The following PACRG variants were observed in gnomAD, a reference collection of about 807,000 sequenced individuals.
PACRG encodes the protein parkin coregulated, also known as parkin coregulated gene protein.
Under a neutral mutation model 29.7 loss-of-function variants are expected in PACRG, and 29 were observed. That is an observed-to-expected ratio of 0.98 (90% CI 0.73 to 1.33). PACRG has a LOEUF of 1.33. Among genes scored for constraint, PACRG ranks in the 40% most tolerant of loss-of-function variants. The pLI is 0.00. For missense variants in PACRG, 279 were observed against 316.2 expected (o/e 0.88, Z 0.89); for synonymous variants, 116 against 118.7 (o/e 0.98, Z 0.15).
chr6:162,889,088 G>C (rs35105243), intron 2 of PACRG, among the ~76,000 whole-genome samples: 14,091 of 152,222 alleles, frequency 0.093, 845 homozygotes, highest in African/African-American at 0.16. Flanking sequence ...CACTATGAGA[G>C]GGAGAAAACT....
At chr6:163,118,833 A>G (rs1816134747) in intron 4 of PACRG, among the ~76,000 whole-genome samples, 1 of 152,146 alleles carries the variant, frequency 6.6e-6, no homozygotes, top group Non-Finnish European at 1.5e-5. Context: ...CTGATTCTCT[A>G]TTTCTCTCCT....
chr6:162,998,759 T>C lies in PACRG; in HGVS notation c.292-63391T>C, dbSNP rs1217326721. On this transcript the variant is annotated intron_variant, in intron 2 of 4. Coordinates refer to ENST00000366888, the MANE Select transcript of PACRG (RefSeq NM_001080379.2). The stretch of plus-strand genomic sequence containing the variant: ...TTACCCCAAGATTACATTAAAAATG[T>C]TTTTATTATTTGTATTTCCATCCTA... Among the ~76,000 whole-genome samples the C allele has an allele frequency of 2.6e-5, 4 of 152,164 alleles. No homozygotes were observed. The East Asian group carries it at 7.7e-4, about 29-fold the overall frequency.
chr6:163,044,178 T>TTC (rs1809064548), intron 2 of PACRG, among the ~76,000 whole-genome samples: 1 of 151,430 alleles, frequency 6.6e-6, no homozygotes, highest in African/African-American at 2.4e-5. Flanking sequence ...GACTTTTTTT[T>TTC]TTTTTTTTGA....
intron 1 of PACRG, among the ~76,000 whole-genome samples, chr6:162,804,825 T>C (rs1278527287): frequency 6.6e-6 from 1 of 152,236 alleles, no homozygotes; most frequent in Non-Finnish European, 1.5e-5. Context: ...GAATATTTAT[T>C]GAAATACAGT....
At chr6:163,290,266 A>ACGCGCGCGCG (rs377081564) in intron 4 of PACRG, among the ~76,000 whole-genome samples, 3 of 120,514 alleles carry the variant, frequency 2.5e-5, no homozygotes, top group African/African-American at 9.6e-5. Flanking sequence ...GTGCGCATGC[A>ACGCGCGCGCG]CGCGCGCGCG....
intron 1 of PACRG, among the ~76,000 whole-genome samples, chr6:162,738,754 T>C (rs1334921226): frequency 4.6e-5 from 7 of 152,236 alleles, no homozygotes; most frequent in Admixed American, 3.9e-4. Flanking sequence ...GTTGCATGTA[T>C]GTATAGAGCT....
chr6:162,972,694 C>T (rs1382518595), intron 2 of PACRG, among the ~76,000 whole-genome samples: 1 of 152,074 alleles, frequency 6.6e-6, no homozygotes, highest in East Asian at 1.9e-4. Context: ...GAGAAGATCC[C>T]ATAACACATC....
intron 2 of PACRG, among the ~76,000 whole-genome samples, chr6:162,907,393 A>T (rs928785128): frequency 4.6e-5 from 7 of 152,250 alleles, no homozygotes; most frequent in Non-Finnish European, 1.0e-4. Flanking sequence ...TTTTCTTTCA[A>T]TTGGGCATTT....
intron 4 of PACRG, among the ~76,000 whole-genome samples, chr6:163,203,642 C>G (rs1386545998): frequency 6.6e-6 from 1 of 152,176 alleles, no homozygotes; most frequent in Non-Finnish European, 1.5e-5. Context: ...ATAATCCGCT[C>G]TTTCTGAATC....
At chr6:163,178,532 T>G (rs1341044063) in intron 4 of PACRG, among the ~76,000 whole-genome samples, 1 of 152,180 alleles carries the variant, frequency 6.6e-6, no homozygotes, top group African/African-American at 2.4e-5. Context: ...GCCCCGTTCT[T>G]CTCTGACTTC....
At chr6:162,936,214 A>G (rs754260396) in intron 2 of PACRG, among the ~76,000 whole-genome samples, 3 of 152,160 alleles carry the variant, frequency 2.0e-5, no homozygotes, top group African/African-American at 4.8e-5. Context: ...CCATGATTCA[A>G]TTGTCTCCCA....
intron 2 of PACRG, among the ~76,000 whole-genome samples, chr6:162,886,099 A>G (rs1481621133): frequency 6.6e-6 from 1 of 151,938 alleles, no homozygotes; most frequent in Non-Finnish European, 1.5e-5. Context: ...TAATTTTTGT[A>G]TTTTTAGTAA....
At chr6:163,248,495 A>G (rs1257881294) in intron 4 of PACRG, among the ~76,000 whole-genome samples, 1 of 151,838 alleles carries the variant, frequency 6.6e-6, no homozygotes, top group Non-Finnish European at 1.5e-5. Flanking sequence ...TTTCCCCAAT[A>G]GAAATATTTC....
At chr6:163,229,522 C>G (rs1781939594) in intron 4 of PACRG, among the ~76,000 whole-genome samples, 1 of 152,228 alleles carries the variant, frequency 6.6e-6, no homozygotes, top group East Asian at 1.9e-4. Flanking sequence ...GCAGGCTTTG[C>G]TCCAGTAATG....
At chr6:163,079,800 C>A (rs942162902) in intron 3 of PACRG, among the ~76,000 whole-genome samples, 1 of 150,010 alleles carries the variant, frequency 6.7e-6, no homozygotes, top group African/African-American at 2.5e-5. Flanking sequence ...CACATTGTAT[C>A]TTTCTTTACA....
At chr6:163,182,714 C>G (rs779527669) in intron 4 of PACRG, 1 of 152,194 alleles carries the variant, frequency 6.6e-6, no homozygotes, top group Non-Finnish European at 1.5e-5. Context: ...CTCATTTAAT[C>G]TTCAGAACTA....
At chr6:163,261,854 C>T (rs765316954) in intron 4 of PACRG, among the ~76,000 whole-genome samples, 1 of 152,128 alleles carries the variant, frequency 6.6e-6, no homozygotes, top group Non-Finnish European at 1.5e-5. Flanking sequence ...AGGGGTTATA[C>T]GCAAATACTG....
chr6:163,313,063 C>T (rs1442728732), intron 4 of PACRG, among the ~76,000 whole-genome samples: 2 of 151,876 alleles, frequency 1.3e-5, no homozygotes, highest in African/African-American at 4.8e-5. Flanking sequence ...GCATCTCTCT[C>T]TCTCTCTCTC....
At chr6:163,125,862 T>A (rs988825612) in intron 4 of PACRG, among the ~76,000 whole-genome samples, 13 of 152,190 alleles carry the variant, frequency 8.5e-5, no homozygotes, top group Admixed American at 8.5e-4. Flanking sequence ...TAGTAAGAAT[T>A]TCTGAATTTT....
Sources: allele counts gnomAD v4.1 joint callset (sites outside exome capture counted in the v4.1 genomes callset), GRCh38; gene constraint gnomAD v4.1.1; transcripts MANE v1.5; gene names NCBI Gene and HGNC (gene_info 2026-07-23, HGNC 2026-07-21).